The following FAM107B variants were observed in gnomAD, a reference collection of about 807,000 sequenced individuals.
FAM107B encodes family with sequence similarity 107 member B.
A neutral mutation model predicts 31.5 loss-of-function variants in FAM107B; 21 were observed. That is an observed-to-expected ratio of 0.67 (90% confidence interval 0.47 to 0.96). The LOEUF (loss-of-function observed/expected upper bound fraction) is 0.96. Among genes scored for constraint, FAM107B ranks in the 40% least tolerant of loss-of-function variants. The probability of loss-of-function intolerance (pLI) is 0.00; values close to 1 mark genes in which losing one functional copy is unlikely to be tolerated. For synonymous variants in FAM107B, 157 were observed against 141.5 expected (o/e 1.11, Z -0.78); for missense variants, 452 against 377.1 (o/e 1.20, Z -1.64).
At chr10:14,533,392 T>C (rs773331621) in intron 2 of FAM107B, among the ~76,000 whole-genome samples, 17 of 152,154 alleles carry the variant, frequency 1.1e-4, no homozygotes, top group Non-Finnish European at 2.2e-4. Context: ...AAGGCTCAAG[T>C]TGCCATGACG....
chr10:14,634,819 G>T (rs778455006), intron 2 of FAM107B, among the ~76,000 whole-genome samples: 3 of 152,086 alleles, frequency 2.0e-5, no homozygotes, highest in Admixed American at 6.6e-5. Context: ...GGCCGGGTGC[G>T]GTGTCTCACG....
chr10:14,717,246 A>G (rs957691334), intron 1 of FAM107B, among the ~76,000 whole-genome samples: 2 of 152,224 alleles, frequency 1.3e-5, no homozygotes, highest in Non-Finnish European at 2.9e-5. Context: ...AAAGCTCAGA[A>G]AGCCCAGCCA....
At chr10:14,762,771 C>G (rs990242956) in intron 1 of FAM107B, among the ~76,000 whole-genome samples, 1 of 149,686 alleles carries the variant, frequency 6.7e-6, no homozygotes, top group Non-Finnish European at 1.5e-5. Flanking sequence ...CACACACACA[C>G]ACACACACAC....
chr10:14,739,081 C>T (rs1349068830), intron 1 of FAM107B, among the ~76,000 whole-genome samples: 1 of 152,190 alleles, frequency 6.6e-6, no homozygotes, highest in Non-Finnish European at 1.5e-5. Context: ...ATTCATACTT[C>T]TAACATGGCA....
rs190670416 is a variant in FAM107B, at chr10:14,533,920, C to T, written c.470-3405G>A. Among the ~76,000 whole-genome samples the T allele has an allele frequency of 2.0e-4, 31 of 152,124 alleles. 1 individual carries two copies. The East Asian group carries it at 6.0e-3, about 29-fold the overall frequency. ...TTAGAGAGACACGGGCACTGCGAGC[C>T]GGTGCAGGAGGGGGGGGCTGCGGTT... On this transcript the variant is annotated intron_variant, in intron 2 of 4. Coordinates refer to ENST00000181796, the MANE Select transcript of FAM107B (RefSeq NM_031453.4).
At chr10:14,678,313 T>C (rs1472859637) in intron 1 of FAM107B, among the ~76,000 whole-genome samples, 3 of 152,120 alleles carry the variant, frequency 2.0e-5, no homozygotes, top group African/African-American at 7.2e-5. Context: ...TCTTCCTCGG[T>C]GGGATGGTGG....
chr10:14,613,266 C>T (rs891038251), intron 2 of FAM107B, among the ~76,000 whole-genome samples: 1 of 152,116 alleles, frequency 6.6e-6, no homozygotes, highest in Non-Finnish European at 1.5e-5. Context: ...GCCACCTCAC[C>T]GAGCCCATAA....
At chr10:14,589,657 G>A (rs1445597673) in intron 2 of FAM107B, among the ~76,000 whole-genome samples, 2 of 152,090 alleles carry the variant, frequency 1.3e-5, no homozygotes, top group Admixed American at 6.6e-5. Context: ...TGGGGGATGA[G>A]GGGCAAGGGG....
intron 1 of FAM107B, among the ~76,000 whole-genome samples, chr10:14,693,635 G>A (rs1010086425): frequency 6.6e-6 from 1 of 152,086 alleles, no homozygotes; most frequent in Admixed American, 6.6e-5. Flanking sequence ...CATCTAGCAG[G>A]AACGGCAAAT....
intron 2 of FAM107B, chr10:14,553,513 G>A: frequency 2.3e-6 from 1 of 433,562 alleles, no homozygotes; most frequent in Non-Finnish European, 4.0e-6. Flanking sequence ...TTAACAATGG[G>A]TAAGAAGGAA....
chr10:14,645,799 T>C (rs772392271), intron 2 of FAM107B, among the ~76,000 whole-genome samples: 13 of 152,252 alleles, frequency 8.5e-5, no homozygotes, highest in African/African-American at 2.4e-4. Flanking sequence ...TTCTGTTATA[T>C]GTCACTTTGG....
At chr10:14,772,362 A>AAT (rs1554759098) in intron 1 of FAM107B, among the ~76,000 whole-genome samples, 2,744 of 145,578 alleles carry the variant, frequency 0.019, 77 homozygotes, top group African/African-American at 0.062. Context: ...TTAAAAAAAA[A>AAT]ATATATATAT....
At chr10:14,583,794 C>T (rs529292724) in intron 2 of FAM107B, among the ~76,000 whole-genome samples, 23 of 152,256 alleles carry the variant, frequency 1.5e-4, no homozygotes, top group African/African-American at 5.5e-4. Flanking sequence ...CGTCCATTCA[C>T]CGGAAGAATC....
chr10:14,639,734 C>T (rs1428305890), intron 2 of FAM107B, among the ~76,000 whole-genome samples: 5 of 152,070 alleles, frequency 3.3e-5, no homozygotes, highest in South Asian at 2.1e-4. Flanking sequence ...ATCTTGGAGC[C>T]CTCCATGACC....
intron 1 of FAM107B, among the ~76,000 whole-genome samples, chr10:14,717,602 G>A (rs10906750): frequency 0.082 from 12,503 of 152,112 alleles, 720 homozygotes; most frequent in Non-Finnish European, 0.12. Context: ...GAGAGAGTGC[G>A]AGAGACTCAG....
chr10:14,562,621 G>T (rs150433889), intron 2 of FAM107B, among the ~76,000 whole-genome samples: 2 of 152,190 alleles, frequency 1.3e-5, no homozygotes, highest in Non-Finnish European at 2.9e-5. Flanking sequence ...CAAAATTCTG[G>T]AAGTAGCAAT....
At chr10:14,722,532 G>C (rs1415561443) in intron 1 of FAM107B, among the ~76,000 whole-genome samples, 1 of 152,144 alleles carries the variant, frequency 6.6e-6, no homozygotes, top group Non-Finnish European at 1.5e-5. Context: ...TGGCTGTAAA[G>C]TTGTACTCTC....
At chr10:14,678,801 C>T (rs901256039) in intron 1 of FAM107B, among the ~76,000 whole-genome samples, 1 of 152,232 alleles carries the variant, frequency 6.6e-6, no homozygotes, top group African/African-American at 2.4e-5. Flanking sequence ...GTCCTCAGCC[C>T]TCATGTTCTG....
intron 2 of FAM107B, among the ~76,000 whole-genome samples, chr10:14,550,326 A>C (rs3829826): frequency 0.79 from 119,901 of 152,036 alleles, 48,038 homozygotes; most frequent in East Asian, 0.89. Context: ...CTGTGAGAAC[A>C]ACCACCACCT....
Sources: allele counts gnomAD v4.1 joint callset (sites outside exome capture counted in the v4.1 genomes callset), GRCh38; gene constraint gnomAD v4.1.1; transcripts MANE v1.5; gene names NCBI Gene and HGNC (gene_info 2026-07-23, HGNC 2026-07-21).